The following FOXJ2 variants were observed in gnomAD, a reference collection of about 807,000 sequenced individuals.
FOXJ2 encodes the protein forkhead box J2.
FOXJ2 carries 18 observed loss-of-function variants against 68.4 expected under a neutral mutation model. The ratio of observed to expected loss-of-function variants is 0.26; its 90% CI spans 0.18 to 0.39. FOXJ2 has a LOEUF of 0.39. Among genes scored for constraint, FOXJ2 ranks in the 10% least tolerant of loss-of-function variants. FOXJ2 has a pLI of 1.00. For missense variants in FOXJ2, 670 were observed against 726.5 expected (o/e 0.92, Z 0.89); for synonymous variants, 274 against 263.2 (o/e 1.04, Z -0.40).
rs1946857348 is a variant in FOXJ2 at position 8,033,204 on chromosome 12, C to G, written c.-644C>G. The G allele has an allele frequency of 4.0e-6, 1 of 247,684 alleles. No homozygotes were observed. The highest frequency in any genetic ancestry group is 7.7e-6 in the Non-Finnish European group (1 of 130,346). The allele number at this position is 247,684 out of a possible 1,614,324, so 15.3% of individuals were successfully genotyped here. A position where few individuals can be genotyped will look rare whatever the true frequency, so the allele number is the denominator to read the frequency against. ...CGTAGGGAAGCAGAGTGAGACCACC[C>G]TAGCGCGCCCCCGCCCCTCCAAACA... On this transcript the variant is annotated 5_prime_UTR_variant, in exon 1 of 11. Coordinates refer to ENST00000162391, the MANE Select transcript of FOXJ2 (RefSeq NM_018416.3).
In FOXJ2 at chr12:8,052,876, C is replaced by T. The variant is rs1263739607; in HGVS notation, c.*26C>T. On this transcript the variant is annotated 3_prime_UTR_variant, in exon 11 of 11. Coordinates refer to ENST00000162391, the MANE Select transcript of FOXJ2 (RefSeq NM_018416.3). ...TGCATCACAGAGTGTGGACATCAGC[C>T]CAGGGCCGCGTGGTGAAATCTGGCA... 6.3e-7 allele frequency: 1 copy of T among 1,577,380 alleles called. No individual in the cohort carries two copies. The highest frequency in any genetic ancestry group is 8.7e-7 in the Non-Finnish European group (1 of 1,155,436).
rs1473400820 is a variant in FOXJ2, at chr12:8,053,677, G to A, written c.*827G>A. On this transcript the variant is annotated 3_prime_UTR_variant, in exon 11 of 11. Transcript: ENST00000162391. This position sits in a 1 kb window ranked among gnomAD's most constrained non-coding sequence, Gnocchi z 4.1. ...CTCTGCTTCTATGGTAGGGCATGAG[G>A]ACAACTATTCAGCATGGTTTTAGCT... 6.6e-6 allele frequency: 1 copy of A among 152,202 alleles called. No individual in the cohort carries two copies. The highest frequency in any genetic ancestry group is 2.4e-5 in the African/African-American group (1 of 41,428). 9.4% of individuals were successfully genotyped at this position (152,202 alleles called of 1,614,324 possible).
At chr12:8,052,527 T>A (rs930400243) in intron 10 of FOXJ2, among the ~76,000 whole-genome samples, 1 of 152,216 alleles carries the variant, frequency 6.6e-6, no homozygotes, top group Non-Finnish European at 1.5e-5. Flanking sequence ...GTCAGAAGTA[T>A]AATTGTTAAT....
rs1029234175 is a variant in FOXJ2 at position 8,033,308 on chromosome 12, A to G, written c.-540A>G. ...GTGGAGTAGGCACCCTCGGCCCACC[A>G]CTATTCACAGGAGACAGGAGTCCTT... On this transcript the variant is annotated 5_prime_UTR_variant, in exon 1 of 11. Coordinates refer to ENST00000162391, the MANE Select transcript of FOXJ2 (RefSeq NM_018416.3). 1 of 158,746 alleles carries G rather than the reference A, an allele frequency of 6.3e-6. No homozygotes were observed. Among genetic ancestry groups the G allele is most frequent in the African/African-American group, 2.4e-5 (1 of 41,716 alleles). 9.8% of individuals were successfully genotyped at this position (158,746 alleles called of 1,614,324 possible). A position where few individuals can be genotyped will look rare whatever the true frequency, so the allele number is the denominator to read the frequency against.
At position 8,040,246 on chromosome 12, in the gene FOXJ2, AC is replaced by A; in HGVS notation, c.333+83del. On this transcript the variant is annotated intron_variant, in intron 2 of 10. Coordinates refer to ENST00000162391, the MANE Select transcript of FOXJ2 (RefSeq NM_018416.3). The surrounding 1 kb of genome is among the most constrained non-coding windows in gnomAD (Gnocchi z 4.0). ...GAAAAAGGTTTTGTTTCTTCTTGTA[AC>A]CTGTTCAGTTTACTCTGGTTTGTCT... The A allele has an allele frequency of 7.2e-7, 1 of 1,394,018 alleles. No individual in the cohort carries two copies. Among genetic ancestry groups the A allele is most frequent in the Non-Finnish European group, 9.9e-7 (1 of 1,014,018 alleles). The allele number at this position is 1,394,018 out of a possible 1,614,324, so 86.4% of individuals were successfully genotyped here.
At position 8,044,000 on chromosome 12, in the gene FOXJ2, G is replaced by A; in HGVS notation, c.527G>A (p.Gly176Asp). 6.3e-7 allele frequency: 1 copy of A among 1,585,696 alleles called. No homozygotes were observed. Among genetic ancestry groups the A allele is most frequent in the South Asian group, 1.2e-5 (1 of 86,772 alleles). The change falls in exon 5 of 11, where the codon GGC (glycine) becomes GAC (aspartate). Residue 176 changes from glycine to aspartate, a missense_variant. By Grantham distance (94) the Gly-to-Asp change is moderately conservative. Transcript: ENST00000162391. The part of the protein sequence containing the change: ...EQEASKSPRG[G>D]VAGSGEASLP... The stretch of plus-strand genomic sequence containing the variant: ...GAGGCAAGCAAGAGCCCACGGGGAG[G>A]CGTTGCAGGGAGTGGAGAAGCCTCA...
chr12:8,042,051 T>C (rs1258686587), intron 2 of FOXJ2, among the ~76,000 whole-genome samples: 1 of 152,142 alleles, frequency 6.6e-6, no homozygotes, highest in Non-Finnish European at 1.5e-5. Context: ...CTAATTTTTG[T>C]ATTTTTAGTA....
In FOXJ2 at chr12:8,046,265, T is replaced by G. The variant is rs1947035981; in HGVS notation, c.817+1307T>G. On this transcript the variant is annotated intron_variant, in intron 6 of 10. Transcript: ENST00000162391. ...ACAGTTTCTTTTTAGTGTATTTACA[T>G]TTATGTTACTTTTATTGTGAAAAAT... 2.0e-5 allele frequency among the ~76,000 whole-genome samples: 3 copies of G among 152,216 alleles called. No homozygotes were observed. In the South Asian group the frequency reaches 6.2e-4, roughly 32 times the overall value.
chr12:8,044,122 A>C (rs1041407170), intron 5 of FOXJ2, 31 bp downstream of exon 5: 13 of 1,499,698 alleles, frequency 8.7e-6, no homozygotes, highest in Non-Finnish European at 1.2e-5. Flanking sequence ...GGGTCATGGG[A>C]TGGGTGGTGA....
At chr12:8,052,612 C>A in intron 10 of FOXJ2, 150 bp from the exon 11 acceptor site, 1 of 593,396 alleles carries the variant, frequency 1.7e-6, no homozygotes, top group Non-Finnish European at 3.0e-6. Flanking sequence ...GAAATGGTGA[C>A]CTGCAACCAA....
intron 1 of FOXJ2, 22 bp from the exon 2 acceptor site, chr12:8,039,797 C>T: frequency 6.4e-7 from 1 of 1,571,994 alleles, no homozygotes; most frequent in Non-Finnish European, 8.7e-7. Context: ...GTATTTTCGT[C>T]TCCTCTTTGT....
rs906282424 is a variant in FOXJ2 at position 8,055,330 on chromosome 12, C to T, written c.*2480C>T. ...GAGTAATTATTTGGTATAGATCCAC[C>T]CATCCCAACCTTTCTCTCCTCAGTC... On this transcript the variant is annotated 3_prime_UTR_variant, in exon 11 of 11. Coordinates refer to ENST00000162391, the MANE Select transcript of FOXJ2 (RefSeq NM_018416.3). The T allele has an allele frequency of 1.3e-5, 2 of 152,638 alleles. No individual in the cohort carries two copies. Among genetic ancestry groups the T allele is most frequent in the South Asian group, 4.2e-4 (2 of 4,810 alleles). 9.5% of individuals were successfully genotyped at this position (152,638 alleles called of 1,614,324 possible). A position where few individuals can be genotyped will look rare whatever the true frequency, so the allele number is the denominator to read the frequency against.
In FOXJ2 at chr12:8,053,518, T is replaced by C. The variant is rs1373224497; in HGVS notation, c.*668T>C. 1.3e-5 allele frequency: 2 copies of C among 152,596 alleles called. No individual in the cohort carries two copies. The highest frequency in any genetic ancestry group is 4.8e-5 in the African/African-American group (2 of 41,422). 9.5% of individuals were successfully genotyped at this position (152,596 alleles called of 1,614,324 possible). A position where few individuals can be genotyped will look rare whatever the true frequency, so the allele number is the denominator to read the frequency against. ...CAGGAGGGTGACAATAAAATCCTAG[T>C]GGAATTGGAGACCATTGGAAGGGAT... On this transcript the variant is annotated 3_prime_UTR_variant, in exon 11 of 11. Coordinates refer to ENST00000162391, the MANE Select transcript of FOXJ2 (RefSeq NM_018416.3). The surrounding 1 kb of genome is among the most constrained non-coding windows in gnomAD (Gnocchi z 4.1).
intron 3 of FOXJ2, 144 bp from the exon 4 acceptor site, chr12:8,043,557 C>T (rs1201067009): frequency 1.3e-5 from 10 of 767,116 alleles, no homozygotes; most frequent in East Asian, 2.5e-5. Context: ...CCAAAACAAT[C>T]GAGGCCTGTG....
At chr12:8,039,372 A>G (rs1030731584) in intron 1 of FOXJ2, among the ~76,000 whole-genome samples, 2 of 152,138 alleles carry the variant, frequency 1.3e-5, no homozygotes, top group African/African-American at 4.8e-5. Context: ...TTTGCTTTAT[A>G]TGTACGTTCG....
At chr12:8,036,111 A>C (rs977106755) in intron 1 of FOXJ2, among the ~76,000 whole-genome samples, 1 of 152,220 alleles carries the variant, frequency 6.6e-6, no homozygotes, top group Non-Finnish European at 1.5e-5. Flanking sequence ...TGCTCTAAAA[A>C]TATTAACTCA....
rs772480881 is a variant in FOXJ2, at chr12:8,044,854, A to T, written c.713A>T (p.Asp238Val). The change falls in exon 6 of 11, where the codon GAC (aspartate) becomes GTC (valine). Residue 238 changes from aspartate (D) to valine (V), a missense_variant. Asp to Val is a radical substitution (Grantham distance 152, BLOSUM62 -3). Around this residue, in one of 2 missense-constraint regions of FOXJ2, gnomAD observed 555 missense variants for 562.2 expected, o/e 0.99. Coordinates refer to ENST00000162391, the MANE Select transcript of FOXJ2 (RefSeq NM_018416.3). Reference protein sequence around the residue: ...GPPPLYNTNHDFKFSYSEINF... With the variant: ...GPPPLYNTNHVFKFSYSEINF... ...CCTCCCCTCTATAACACCAACCATGACTTTAAATTCTCCTACTCAGAGATC... is the reference window on the plus strand; with the variant it reads ...CCTCCCCTCTATAACACCAACCATGTCTTTAAATTCTCCTACTCAGAGATC... 3 of 1,614,040 alleles carry T rather than the reference A, an allele frequency of 1.9e-6. No individual in the cohort carries two copies. The Admixed American group carries it at 5.0e-5, about 27-fold the overall frequency.
intron 10 of FOXJ2, among the ~76,000 whole-genome samples, chr12:8,052,310 C>T (rs747621210): frequency 6.6e-6 from 1 of 151,962 alleles, no homozygotes; most frequent in African/African-American, 2.4e-5. Flanking sequence ...GCAAGACCTC[C>T]CGGGTTCATG....
At position 8,043,767 on chromosome 12, in the gene FOXJ2, G is replaced by A; in HGVS notation, c.475G>A (p.Asp159Asn). The A allele has an allele frequency of 6.2e-7, 1 of 1,614,218 alleles. No homozygotes were observed. The highest frequency in any genetic ancestry group is 8.5e-7 in the Non-Finnish European group (1 of 1,180,042). Residue 159 changes from aspartate to asparagine, a missense_variant and splice_region_variant, in exon 4 of 11, where the codon GAT (aspartate) becomes AAT (asparagine). Physicochemically the swap from Asp to Asn is conservative, Grantham distance 23. Coordinates refer to ENST00000162391, the MANE Select transcript of FOXJ2 (RefSeq NM_018416.3). ...SRKRRHPPDD[D>N]LSQDSPEQEA... The stretch of plus-strand genomic sequence containing the variant: ...AAAGAGAAGACACCCTCCAGATGAT[G>A]ATGTAAGTTCCCAGCTCATGAGGAG...
Sources: allele counts gnomAD v4.1 joint callset (sites outside exome capture counted in the v4.1 genomes callset), GRCh38; gene constraint gnomAD v4.1.1; regional missense constraint gnomAD v4.1.1; non-coding constraint Gnocchi (gnomAD v3.1); transcripts MANE v1.5; gene names NCBI Gene and HGNC (gene_info 2026-07-23, HGNC 2026-07-21).